Variants in IFT140 observed in about 807,000 individuals in gnomAD.
IFT140 encodes the protein intraflagellar transport 140, also known as intraflagellar transport protein 140 homolog.
IFT140 carries 133 observed loss-of-function variants against 164.6 expected under a neutral mutation model. The observed-to-expected ratio is 0.81, with a 90% CI of 0.70 to 0.93. The LOEUF is 0.93. Ranked by LOEUF, IFT140 falls within the 40% of genes least tolerant of loss-of-function variation. The pLI, the probability that IFT140 is intolerant of heterozygous loss-of-function variation, is 0.00. For synonymous variants in IFT140, 860 were observed against 817.3 expected, an observed-to-expected ratio of 1.05 and a Z score of -0.89; for missense variants, 2,045 against 1,972.3, an observed-to-expected ratio of 1.04 and a Z score of -0.70.
At position 1,531,581 on chromosome 16, in the gene IFT140, G is replaced by A. The variant is rs538380378; in HGVS notation, c.2400-4785C>T. 1 of 152,356 alleles carries A rather than the reference G, an allele frequency of 6.6e-6. No homozygotes were observed. The highest frequency in any genetic ancestry group is 1.9e-4 in the East Asian group (1 of 5,164). The allele number at this position is 152,356 out of a possible 1,614,324, so 9.4% of individuals were successfully genotyped here. The stretch of plus-strand genomic sequence containing the variant: ...TGGGGGAAGCCCACCGCCCAGCTGC[G>A]AGTCCCCTTACTGGGAGTCACCCCC... On this transcript the variant is annotated intron_variant, in intron 19 of 30. Coordinates refer to ENST00000426508, the MANE Select transcript of IFT140 (RefSeq NM_014714.4). This position sits in a 1 kb window ranked among gnomAD's most constrained non-coding sequence, Gnocchi z 4.7.
intron 13 of IFT140, among the ~76,000 whole-genome samples, chr16:1,575,883 G>A (rs1358612579): frequency 6.6e-6 from 1 of 152,144 alleles, no homozygotes; most frequent in Admixed American, 6.5e-5. Flanking sequence ...GCAGGCCACT[G>A]GTGCCTGCAC....
chr16:1,540,905 C>G (rs2031569128), intron 19 of IFT140: 1 of 985,318 alleles, frequency 1.0e-6, no homozygotes, highest in Non-Finnish European at 1.2e-6. Flanking sequence ...TGACTCCAGG[C>G]TGAGTGTCTG....
chr16:1,524,470 T>TTC, intron 24 of IFT140, 82 bp downstream of exon 24: 1 of 1,545,728 alleles, frequency 6.5e-7, no homozygotes, highest in Non-Finnish European at 8.7e-7. Flanking sequence ...ACTGACACGA[T>TTC]TCTCTCTGTC....
At chr16:1,526,866 C>G in intron 19 of IFT140, 70 bp from the exon 20 acceptor site, 1 of 1,476,388 alleles carries the variant, frequency 6.8e-7, no homozygotes, top group Non-Finnish European at 9.1e-7. Flanking sequence ...ACGGCCCCTT[C>G]TCCTGGGGCA....
At chr16:1,524,938 G>A (rs773414855) in intron 22 of IFT140, 22 bp from the exon 23 acceptor site, 5 of 1,590,432 alleles carry the variant, frequency 3.1e-6, no homozygotes, top group Non-Finnish European at 4.3e-6. Flanking sequence ...CCAAGACCAT[G>A]GATTCTCCAC....
Position 1,589,668 on chromosome 16 carries a change from T to C in IFT140, c.747A>G (p.Thr249=). The C allele has an allele frequency of 1.2e-6, 2 of 1,614,188 alleles. No individual in the cohort carries two copies. Among genetic ancestry groups the C allele is most frequent in the Non-Finnish European group, 1.7e-6 (2 of 1,180,032 alleles). The change falls in exon 7 of 31, where the codon ACA becomes ACG. Residue 249 remains threonine, a synonymous_variant. Transcript: ENST00000426508. ...TGTACAGGGACAGCCGGAGGTTCTC[T>C]GTGACCACCACCAGTGCCTCCCTCT... is the stretch of plus-strand genomic sequence containing the variant. ...MEKREALVVV[T]ENLRLSLYTV...
chr16:1,534,795 C>T (rs1311240661), intron 19 of IFT140, among the ~76,000 whole-genome samples: 4 of 152,246 alleles, frequency 2.6e-5, no homozygotes, highest in African/African-American at 9.6e-5. Flanking sequence ...AATCTGCCTC[C>T]AGCTCTTTTA....
chr16:1,522,155 G>T (rs907590706), intron 26 of IFT140, among the ~76,000 whole-genome samples: 1 of 152,104 alleles, frequency 6.6e-6, no homozygotes, highest in Non-Finnish European at 1.5e-5. Context: ...TCAGGAGATC[G>T]AGACCATCCT....
intron 15 of IFT140, 89 bp from the exon 16 acceptor site, chr16:1,566,380 C>A: frequency 7.8e-7 from 1 of 1,289,518 alleles, no homozygotes; most frequent in Non-Finnish European, 1.1e-6. Context: ...CAGCACATGT[C>A]AAGAGAAACA....
At chr16:1,558,225 G>T in intron 18 of IFT140, 91 bp from the exon 19 acceptor site, 5 of 1,263,056 alleles carry the variant, frequency 4.0e-6, no homozygotes, top group Admixed American at 1.8e-5. Context: ...GCTCCCTTAT[G>T]GGGGAGAAAT....
intron 30 of IFT140, among the ~76,000 whole-genome samples, chr16:1,511,359 G>A (rs941733599): frequency 1.1e-4 from 17 of 152,228 alleles, no homozygotes; most frequent in Non-Finnish European, 2.4e-4. Flanking sequence ...CATGCCATGT[G>A]TGGACACTCA....
At chr16:1,598,467 A>C (rs991243762) in intron 4 of IFT140, among the ~76,000 whole-genome samples, 4 of 152,278 alleles carry the variant, frequency 2.6e-5, no homozygotes, top group South Asian at 2.1e-4. Flanking sequence ...CAAAAAAAAA[A>C]CAGAAACACA....
intron 3 of IFT140, among the ~76,000 whole-genome samples, chr16:1,606,026 C>G (rs1386518502): frequency 6.6e-6 from 1 of 152,188 alleles, no homozygotes; most frequent in Non-Finnish European, 1.5e-5. Context: ...CATCTGCCAG[C>G]CAGGGAGCAC....
chr16:1,525,155 G>C, intron 22 of IFT140, 76 bp downstream of exon 22: 1 of 1,300,920 alleles, frequency 7.7e-7, no homozygotes, highest in Non-Finnish European at 1.1e-6. Flanking sequence ...AAAGGGAGCC[G>C]TCTCAGCAAG....
intron 13 of IFT140, chr16:1,579,435 T>C (rs2034440650): frequency 6.6e-6 from 1 of 152,002 alleles, no homozygotes; most frequent in South Asian, 2.1e-4. Flanking sequence ...AGAGGCAAGG[T>C]GGAAGAGCTG....
chr16:1,570,624 C>G (rs916803142), intron 14 of IFT140, among the ~76,000 whole-genome samples: 1 of 152,198 alleles, frequency 6.6e-6, no homozygotes, highest in African/African-American at 2.4e-5. Flanking sequence ...CTCGCCAGGG[C>G]CTCCCCTCAC....
At chr16:1,591,847 G>A (rs904081966) in intron 6 of IFT140, among the ~76,000 whole-genome samples, 1 of 152,168 alleles carries the variant, frequency 6.6e-6, no homozygotes, top group Non-Finnish European at 1.5e-5. Flanking sequence ...TGAATACCAG[G>A]GGTGCCACCA....
intron 7 of IFT140, 75 bp downstream of exon 7, chr16:1,589,530 A>C: frequency 6.8e-7 from 1 of 1,469,514 alleles, no homozygotes; most frequent in Non-Finnish European, 9.4e-7. Flanking sequence ...CCAGAAGAGA[A>C]AGGGCCGTCA....
intron 22 of IFT140, 82 bp downstream of exon 22, chr16:1,525,149 G>T (rs2141174363): frequency 1.6e-6 from 2 of 1,280,928 alleles, no homozygotes; most frequent in Non-Finnish European, 2.2e-6. Context: ...CACGGGAAAG[G>T]GAGCCGTCTC....
Sources: gnomAD v4.1 joint callset for allele counts (sites outside exome capture counted in the v4.1 genomes callset) on GRCh38, gnomAD v4.1.1 for gene constraint, Gnocchi (gnomAD v3.1) non-coding constraint, MANE v1.5 for transcripts, NCBI Gene and HGNC (gene_info 2026-07-23, HGNC 2026-07-21) for gene names.